Variants in NTRK3 observed in about 807,000 individuals in gnomAD.
NTRK3 encodes neurotrophic receptor tyrosine kinase 3, also known as NT-3 growth factor receptor.
NTRK3 carries 24 observed loss-of-function variants against 91.7 expected under a neutral mutation model. That is an observed-to-expected ratio of 0.26 (90% CI 0.19 to 0.37). NTRK3 has a LOEUF of 0.37. Ranked by LOEUF, NTRK3 falls within the 10% of genes least tolerant of loss-of-function variation. The probability of loss-of-function intolerance (pLI) is 1.00; values close to 1 mark genes in which losing one functional copy is unlikely to be tolerated. For missense variants in NTRK3, 880 were observed against 1,068.9 expected (o/e 0.82, Z 2.46); for synonymous variants, 483 against 404.0 (o/e 1.20, Z -2.34).
intron 14 of NTRK3, among the ~76,000 whole-genome samples, chr15:87,941,659 G>A (rs1326122619): frequency 1.3e-5 from 2 of 152,170 alleles, no homozygotes; most frequent in African/African-American, 4.8e-5. Context: ...GATCACAAAA[G>A]GAAAGTTCAC....
chr15:88,081,059 G>A (rs1437963175), intron 13 of NTRK3, among the ~76,000 whole-genome samples: 1 of 152,232 alleles, frequency 6.6e-6, no homozygotes. Flanking sequence ...TTCTTAAACA[G>A]AGCTGTGTAT....
intron 13 of NTRK3, among the ~76,000 whole-genome samples, chr15:88,110,964 C>A (rs932869319): frequency 3.9e-5 from 6 of 152,136 alleles, no homozygotes; most frequent in Admixed American, 3.9e-4. Context: ...AGAGAAGGGA[C>A]AACTTCAGGA....
At chr15:87,912,927 AAAAAATATATATATATATATAT>A (rs61318949) in intron 17 of NTRK3, among the ~76,000 whole-genome samples, 2,294 of 96,254 alleles carry the variant, frequency 0.024, 114 homozygotes, top group African/African-American at 0.055. Flanking sequence ...AAAAAGTAAA[AAAAAATATATATATATATATAT>A]ATATATATAT....
intron 17 of NTRK3, among the ~76,000 whole-genome samples, chr15:87,910,139 G>A (rs1464262329): frequency 2.0e-5 from 3 of 152,180 alleles, no homozygotes; most frequent in African/African-American, 7.2e-5. Flanking sequence ...CAGTAGGCCA[G>A]GGCAAGAAAT....
intron 14 of NTRK3, among the ~76,000 whole-genome samples, chr15:87,947,801 A>G (rs2070719621): frequency 6.6e-6 from 1 of 152,200 alleles, no homozygotes; most frequent in African/African-American, 2.4e-5. Context: ...GGCTCAGAAG[A>G]AAACATTAAT....
chr15:87,866,428 AATATAT>A (rs376980136), exon 19 of NTRK3: 1 of 163,598 alleles, frequency 6.1e-6, no homozygotes, highest in Non-Finnish European at 1.3e-5. Flanking sequence ...TATATATGTA[AATATAT>A]ATATATATAT....
At chr15:88,236,514 T>TAAAAAA (rs60187446) in intron 3 of NTRK3, among the ~76,000 whole-genome samples, 23 of 53,760 alleles carry the variant, frequency 4.3e-4, no homozygotes, top group African/African-American at 1.6e-3. Context: ...CCTCTATTAT[T>TAAAAAA]AAAAAAAAAA....
At chr15:87,859,817 A>G (rs1399377800) in exon 19 of NTRK3, 3 of 178,462 alleles carry the variant, frequency 1.7e-5, no homozygotes, top group African/African-American at 7.1e-5. Flanking sequence ...ACAGGTCTAC[A>G]CACGATTTCA....
chr15:88,056,259 A>G (rs1359599465), intron 13 of NTRK3, among the ~76,000 whole-genome samples: 1 of 149,988 alleles, frequency 6.7e-6, no homozygotes, highest in African/African-American at 2.4e-5. Flanking sequence ...ATATGTGTAT[A>G]AAATGGAAAT....
At chr15:87,936,652 A>G (rs2069309499) in intron 15 of NTRK3, among the ~76,000 whole-genome samples, 1 of 151,908 alleles carries the variant, frequency 6.6e-6, no homozygotes, top group African/African-American at 2.4e-5. Flanking sequence ...ACATTCCTAA[A>G]TGTTCAAAGT....
At chr15:87,941,952 G>C (rs2142032354) in intron 14 of NTRK3, among the ~76,000 whole-genome samples, 1 of 152,364 alleles carries the variant, frequency 6.6e-6, no homozygotes, top group Middle Eastern at 3.4e-3. Context: ...GAGCCAAAAA[G>C]TGGATTATCC....
intron 3 of NTRK3, among the ~76,000 whole-genome samples, chr15:88,192,274 G>C (rs1265140424): frequency 6.6e-6 from 1 of 152,178 alleles, no homozygotes; most frequent in Non-Finnish European, 1.5e-5. Flanking sequence ...ACTCCCAGGA[G>C]CGAGATTTCA....
chr15:88,099,710 G>C (rs1661953898), intron 13 of NTRK3, among the ~76,000 whole-genome samples: 1 of 152,184 alleles, frequency 6.6e-6, no homozygotes, highest in South Asian at 2.1e-4. Context: ...GCATCCAAAA[G>C]CAGGGGTGGG....
chr15:88,010,788 C>A (rs1042521446), intron 14 of NTRK3, among the ~76,000 whole-genome samples: 3 of 151,934 alleles, frequency 2.0e-5, no homozygotes, highest in Admixed American at 6.6e-5. Context: ...TATTATCACA[C>A]TAGAAGCAAC....
At chr15:88,049,440 T>C (rs1160486928) in intron 13 of NTRK3, among the ~76,000 whole-genome samples, 1 of 152,216 alleles carries the variant, frequency 6.6e-6, no homozygotes, top group Non-Finnish European at 1.5e-5. Flanking sequence ...TTAAAATTCA[T>C]GTAATTTTAA....
chr15:87,976,914 G>C (rs959909504), intron 14 of NTRK3, among the ~76,000 whole-genome samples: 1 of 152,166 alleles, frequency 6.6e-6, no homozygotes, highest in Non-Finnish European at 1.5e-5. Context: ...CAAAGATAAA[G>C]GATCCCCAAC....
intron 16 of NTRK3, 60 bp downstream of exon 16, chr15:87,932,952 A>G: frequency 1.3e-6 from 2 of 1,586,506 alleles, no homozygotes; most frequent in Non-Finnish European, 1.7e-6. Flanking sequence ...GGCTCCAGGG[A>G]AAACCCCAAG....
rs139530508 is a variant in NTRK3, at chr15:87,912,901, G to C, written c.2133+16290C>G. Among the ~76,000 whole-genome samples the C allele has an allele frequency of 4.0e-3, 539 of 134,948 alleles. 4 individuals carry two copies. The highest frequency in any genetic ancestry group is 0.014 in the African/African-American group (520 of 38,124). The allele number at this position is 134,948 out of a possible 152,430, so 88.5% of individuals were successfully genotyped here. On this transcript the variant is annotated intron_variant, in intron 17 of 18. Coordinates refer to ENST00000394480, the Ensembl canonical transcript of NTRK3. ...ACTCTAGCGGCAAACCCTGATCTTG[G>C]GCTGTTCAACTTTTCAAAAAGTAAA...
At chr15:87,904,855 G>A (rs528683058) in intron 17 of NTRK3, among the ~76,000 whole-genome samples, 11 of 152,180 alleles carry the variant, frequency 7.2e-5, no homozygotes, top group African/African-American at 2.7e-4. Context: ...GTTGAGATGC[G>A]TTAATATTTT....
Sources: gnomAD v4.1 joint callset for allele counts (sites outside exome capture counted in the v4.1 genomes callset) on GRCh38, gnomAD v4.1.1 for gene constraint, MANE v1.5 for transcripts, NCBI Gene and HGNC (gene_info 2026-07-23, HGNC 2026-07-21) for gene names.